The following PRKG1 variants were observed in gnomAD, a reference collection of about 807,000 sequenced individuals.
The protein encoded by PRKG1 is cGMP-dependent protein kinase 1.
Under a neutral mutation model 88.1 loss-of-function variants are expected in PRKG1, and 35 were observed. That is an observed-to-expected ratio of 0.40 (90% CI 0.30 to 0.53). The LOEUF (loss-of-function observed/expected upper bound fraction) is 0.53. PRKG1 is among the 20% of genes least tolerant of loss of function. The pLI is 0.59. For synonymous variants in PRKG1, 303 were observed against 292.5 expected, an observed-to-expected ratio of 1.04 and a Z score of -0.37; for missense variants, 540 against 839.8, an observed-to-expected ratio of 0.64 and a Z score of 4.41.
intron 5 of PRKG1, among the ~76,000 whole-genome samples, chr10:52,053,251 T>C (rs755855232): frequency 1.3e-5 from 2 of 152,096 alleles, no homozygotes; most frequent in Non-Finnish European, 1.5e-5. Context: ...AAAAATCTTG[T>C]TCCTAGAAAA....
chr10:51,949,411 G>A (rs1158611887), intron 5 of PRKG1, among the ~76,000 whole-genome samples: 5 of 151,952 alleles, frequency 3.3e-5, no homozygotes, highest in African/African-American at 9.7e-5. Flanking sequence ...CCAGGAGTTC[G>A]AGATCAGCCT....
chr10:51,298,722 T>G (rs1840789894), intron 2 of PRKG1, among the ~76,000 whole-genome samples: 1 of 152,204 alleles, frequency 6.6e-6, no homozygotes, highest in African/African-American at 2.4e-5. Flanking sequence ...CCGATAGAAT[T>G]AAAAATTGTT....
chr10:51,025,563 T>A (rs1479188296), intron 1 of PRKG1, among the ~76,000 whole-genome samples: 1 of 152,166 alleles, frequency 6.6e-6, no homozygotes. Context: ...CCCAACTCTG[T>A]CATGCTCAGA....
At chr10:51,098,618 T>G (rs752267218) in intron 1 of PRKG1, among the ~76,000 whole-genome samples, 4 of 152,268 alleles carry the variant, frequency 2.6e-5, no homozygotes, top group Non-Finnish European at 4.4e-5. Flanking sequence ...AAATATATGC[T>G]TAAACAAAGT....
intron 3 of PRKG1, among the ~76,000 whole-genome samples, chr10:51,499,249 G>A (rs1840953200): frequency 6.6e-6 from 1 of 152,132 alleles, no homozygotes; most frequent in African/African-American, 2.4e-5. Flanking sequence ...AGAGGCAGCT[G>A]TGCAACTCTA....
chr10:51,058,785 C>G (rs1843662624), intron 1 of PRKG1, among the ~76,000 whole-genome samples: 1 of 152,086 alleles, frequency 6.6e-6, no homozygotes, highest in Non-Finnish European at 1.5e-5. Flanking sequence ...AGAAGCTTAT[C>G]TTATCTCTCA....
At chr10:51,588,086 C>T (rs1275457581) in intron 3 of PRKG1, among the ~76,000 whole-genome samples, 2 of 152,170 alleles carry the variant, frequency 1.3e-5, no homozygotes, top group South Asian at 4.1e-4. Context: ...TTGGCCATAT[C>T]CTGGAGGGAC....
At chr10:51,817,207 T>A (rs1027698600) in intron 4 of PRKG1, among the ~76,000 whole-genome samples, 1 of 152,072 alleles carries the variant, frequency 6.6e-6, no homozygotes, top group Non-Finnish European at 1.5e-5. Context: ...TTATTTTTTT[T>A]AAATTATACT....
intron 1 of PRKG1, among the ~76,000 whole-genome samples, chr10:51,100,596 AT>A (rs1214157315): frequency 6.6e-6 from 1 of 152,162 alleles, no homozygotes; most frequent in Admixed American, 6.6e-5. Context: ...CATAGCCCTT[AT>A]TTTTAATATA....
At chr10:51,750,582 A>G (rs1402666853) in intron 3 of PRKG1, among the ~76,000 whole-genome samples, 1 of 152,218 alleles carries the variant, frequency 6.6e-6, no homozygotes, top group Non-Finnish European at 1.5e-5. Context: ...TGTTTCAGGC[A>G]AAACAGTCCA....
chr10:51,610,429 C>A (rs1386317366), intron 3 of PRKG1, among the ~76,000 whole-genome samples: 1 of 152,124 alleles, frequency 6.6e-6, no homozygotes, highest in Non-Finnish European at 1.5e-5. Flanking sequence ...AACATAATGA[C>A]CTCTCTCCAG....
At chr10:51,145,347 C>A (rs1845917945) in intron 1 of PRKG1, among the ~76,000 whole-genome samples, 1 of 143,028 alleles carries the variant, frequency 7.0e-6, no homozygotes, top group Non-Finnish European at 1.5e-5. Flanking sequence ...AAATATCTGA[C>A]ATTTTTTTTC....
At chr10:51,829,682 A>T (rs1020962110) in intron 4 of PRKG1, among the ~76,000 whole-genome samples, 3 of 152,216 alleles carry the variant, frequency 2.0e-5, no homozygotes, top group African/African-American at 7.2e-5. Flanking sequence ...ACACACACAC[A>T]CATACATGTG....
chr10:51,787,723 G>A (rs1220925654), intron 3 of PRKG1, among the ~76,000 whole-genome samples: 2 of 152,148 alleles, frequency 1.3e-5, no homozygotes, highest in African/African-American at 4.8e-5. Flanking sequence ...CAAGGGCAGA[G>A]TTTATTAAAG....
Position 52,038,837 on chromosome 10 carries a change from C to G in PRKG1, c.763-15647C>G, listed in dbSNP as rs149806340. Reference sequence around the variant, plus strand: ...TGGGTCCACGGATAAAAACATGTCTCCTTTGTCTCTCCCAGAAAATGAAAG... The same window carrying G: ...TGGGTCCACGGATAAAAACATGTCTGCTTTGTCTCTCCCAGAAAATGAAAG... On this transcript the variant is annotated intron_variant, in intron 5 of 17. Coordinates refer to ENST00000373980, the MANE Select transcript of PRKG1 (RefSeq NM_006258.4). Among the ~76,000 whole-genome samples the G allele has an allele frequency of 4.8e-3, 738 of 152,184 alleles. 3 individuals are homozygous for G. The highest frequency in any genetic ancestry group is 0.017 in the African/African-American group (692 of 41,480).
Position 51,617,943 on chromosome 10 carries a change from C to T in PRKG1, c.592+150107C>T, listed in dbSNP as rs540200782. ...CAATTTAAGCATGAAATAACAGATG[C>T]AGAACATCTGGAAAAAGGATAATCA... On this transcript the variant is annotated intron_variant, in intron 3 of 17. Transcript: ENST00000373980. 9.2e-4 allele frequency among the ~76,000 whole-genome samples: 140 copies of T among 152,306 alleles called. 2 individuals are homozygous for T. The highest frequency in any genetic ancestry group is 1.8e-3 in the Admixed American group (27 of 15,300).
intron 5 of PRKG1, among the ~76,000 whole-genome samples, chr10:52,035,951 G>A (rs1322482161): frequency 9.2e-5 from 14 of 151,936 alleles, no homozygotes; most frequent in African/African-American, 2.2e-4. Context: ...TTCTGACCAC[G>A]CTAACCATGC....
intron 9 of PRKG1, among the ~76,000 whole-genome samples, chr10:52,222,584 A>C (rs1387451999): frequency 6.6e-6 from 1 of 152,212 alleles, no homozygotes; most frequent in Non-Finnish European, 1.5e-5. Context: ...GTGGTTTAGC[A>C]CAGGTTTCAG....
chr10:51,501,403 C>T (rs907017713), intron 3 of PRKG1, among the ~76,000 whole-genome samples: 5 of 152,076 alleles, frequency 3.3e-5, no homozygotes, highest in African/African-American at 7.2e-5. Flanking sequence ...AAGGTTTCTG[C>T]GGGTATCTGC....
Sources: allele counts gnomAD v4.1 joint callset (sites outside exome capture counted in the v4.1 genomes callset), GRCh38; gene constraint gnomAD v4.1.1; transcripts MANE v1.5; gene names NCBI Gene and HGNC (gene_info 2026-07-23, HGNC 2026-07-21).